LRAT: variants seen among roughly 807,000 people sequenced by gnomAD.
LRAT encodes the protein lecithin retinol acyltransferase (phosphatidylcholine--retinol O-acyltransferase).
A neutral mutation model predicts 14.2 loss-of-function variants in LRAT; 11 were observed. That is an observed-to-expected ratio of 0.78 (90% CI 0.49 to 1.29). The LOEUF is 1.29. Ranked by LOEUF, LRAT falls within the 50% of genes most tolerant of loss-of-function variation. The pLI is 0.00. For synonymous variants in LRAT, 144 were observed against 124.8 expected (o/e 1.15, Z -1.03); for missense variants, 274 against 292.4 (o/e 0.94, Z 0.46).
chr4:154,741,450 T>C (rs1560868789), upstream of LRAT, among the ~76,000 whole-genome samples: 1 of 152,216 alleles, frequency 6.6e-6, no homozygotes, highest in African/African-American at 2.4e-5. Context: ...AATCACTTAA[T>C]GGCATAACGT....
upstream of LRAT, among the ~76,000 whole-genome samples, chr4:154,743,117 C>T (rs1732798429): frequency 1.8e-5 from 1 of 54,170 alleles, no homozygotes; most frequent in Non-Finnish European, 3.6e-5. Context: ...CGGGTAGCGA[C>T]CCCCCCAACC....
rs769384839 is a variant in LRAT, at chr4:154,744,389, C to G, written c.63C>G (p.Asn21Lys). Residue 21 changes from asparagine to lysine, a missense_variant, in exon 2 of 3, where the codon AAC becomes AAG. Transcript: ENST00000336356. ...TGGAGAAGCTGCTCCTCATCTCCAA[C>G]TTCACGCTCTTTAGTTCGGGCGCCG... ...LLLEKLLLISNFTLFSSGAAG... is the reference protein window; with the variant it reads ...LLLEKLLLISKFTLFSSGAAG... The G allele has an allele frequency of 6.2e-7, 1 of 1,614,176 alleles. No individual in the cohort carries two copies. The highest frequency in any genetic ancestry group is 1.1e-5 in the South Asian group (1 of 91,088).
Position 154,748,927 on chromosome 4 carries a change from T to C in LRAT, c.541-57T>C, listed in dbSNP as rs1732933220. 4.7e-6 allele frequency: 7 copies of C among 1,504,194 alleles called. No homozygotes were observed. In the Admixed American group the frequency reaches 1.2e-4, roughly 25 times the overall value. 93.2% of individuals were successfully genotyped at this position (1,504,194 alleles called of 1,614,324 possible). On this transcript the variant is annotated intron_variant, in intron 2 of 2. Coordinates refer to ENST00000336356, the MANE Select transcript of LRAT (RefSeq NM_004744.5). ...GAAAACTGATTTACTGTTTGATATA[T>C]GTGATTCTTCTTGGGTTTAGCCACC... is the stretch of plus-strand genomic sequence containing the variant.
intron 2 of LRAT, among the ~76,000 whole-genome samples, chr4:154,747,590 G>GA (rs1353273447): frequency 6.6e-6 from 1 of 152,046 alleles, no homozygotes; most frequent in Non-Finnish European, 1.5e-5. Flanking sequence ...TGCTTTTTGA[G>GA]AAAAATCTGC....
Position 154,749,262 on chromosome 4 carries a change from GA to G in LRAT, c.*127del, listed in dbSNP as rs1732943194. Reference sequence around the variant, plus strand: ...AACACTGTGTTCTGGATAAAAATGTGATTAGGAATCACGCAAAGTGCTTACT... The same window carrying G: ...AACACTGTGTTCTGGATAAAAATGTGTTAGGAATCACGCAAAGTGCTTACT... On this transcript the variant is annotated 3_prime_UTR_variant, in exon 3 of 3. Coordinates refer to ENST00000336356, the MANE Select transcript of LRAT (RefSeq NM_004744.5). 9.0e-7 allele frequency: 1 copy of G among 1,112,852 alleles called. No homozygotes were observed. The highest frequency in any genetic ancestry group is 1.4e-6 in the Non-Finnish European group (1 of 737,014). 68.9% of individuals were successfully genotyped at this position (1,112,852 alleles called of 1,614,324 possible).
In LRAT at chr4:154,744,796, T is replaced by C. The variant is rs760517479; in HGVS notation, c.470T>C (p.Leu157Pro). 16 of 1,614,006 alleles carry C rather than the reference T, an allele frequency of 9.9e-6. No homozygotes were observed. The highest frequency in any genetic ancestry group is 1.1e-5 in the Non-Finnish European group (13 of 1,180,044). Residue 157 changes from leucine to proline, a missense_variant, in exon 2 of 3, where the codon CTG becomes CCG. Physicochemically the swap from Leu to Pro is moderately conservative, Grantham distance 98. Coordinates refer to ENST00000336356, the MANE Select transcript of LRAT (RefSeq NM_004744.5). ...KLLGFTPYSL[L>P]WNNCEHFVTY... Reference sequence around the variant, plus strand: ...CTGGGCTTTACCCCCTACAGCCTGCTGTGGAACAACTGCGAGCACTTCGTG... The same window carrying C: ...CTGGGCTTTACCCCCTACAGCCTGCCGTGGAACAACTGCGAGCACTTCGTG...
intron 2 of LRAT, chr4:154,745,310 C>G (rs766399589): frequency 6.8e-5 from 12 of 175,568 alleles, no homozygotes; most frequent in Non-Finnish European, 1.5e-4. Context: ...CGTGAGCCAC[C>G]GTGCCCGGCC....
chr4:154,742,115 G>A (rs1463718260), upstream of LRAT, among the ~76,000 whole-genome samples: 1 of 152,156 alleles, frequency 6.6e-6, no homozygotes, highest in Non-Finnish European at 1.5e-5. Flanking sequence ...TTTTAGCGAA[G>A]GGTGCTGACT....
At chr4:154,743,136 C>CCA (rs1553972146), upstream of LRAT, among the ~76,000 whole-genome samples, 1 of 122,050 alleles carries the variant, frequency 8.2e-6, no homozygotes, top group Non-Finnish European at 1.8e-5. Context: ...CCCCCCCCCC[C>CCA]CCGCCCTACA....
At position 154,752,378 on chromosome 4, in the gene LRAT, T is replaced by C. The variant is rs1292688034; in HGVS notation, c.*3242T>C. ...GAACTGCACAGGGCATTCAGGCAAG[T>C]GCAAGTGGTTCAGGGGCCAGCGCAG... is the stretch of plus-strand genomic sequence containing the variant. On this transcript the variant is annotated 3_prime_UTR_variant, in exon 3 of 3. Coordinates refer to ENST00000336356, the MANE Select transcript of LRAT (RefSeq NM_004744.5). 6.6e-6 allele frequency: 1 copy of C among 152,306 alleles called. No individual in the cohort carries two copies. The highest frequency in any genetic ancestry group is 1.5e-5 in the Non-Finnish European group (1 of 68,130). The allele number at this position is 152,306 out of a possible 1,614,324, so 9.4% of individuals were successfully genotyped here. A position where few individuals can be genotyped will look rare whatever the true frequency, so the allele number is the denominator to read the frequency against.
Position 154,744,415 on chromosome 4 carries a change from C to T in LRAT, c.89C>T (p.Ala30Val), listed in dbSNP as rs1042443674. ...TTCACGCTCTTTAGTTCGGGCGCCG[C>T]GGGCGAAGACAAAGGGAGGAACAGT... ...SNFTLFSSGA[A>V]GEDKGRNSFY... The change falls in exon 2 of 3, where the codon GCG (alanine) becomes GTG (valine). Residue 30 changes from alanine to valine, a missense_variant. Physicochemically the swap from Ala to Val is moderately conservative, Grantham distance 64. Transcript: ENST00000336356. 6.2e-7 allele frequency: 1 copy of T among 1,614,030 alleles called. No individual in the cohort carries two copies. The highest frequency in any genetic ancestry group is 1.3e-5 in the African/African-American group (1 of 74,940).
In LRAT at chr4:154,749,325, C is replaced by T. The variant is rs1732944295; in HGVS notation, c.*189C>T. ...AGAACAAAGGCTTTCTGAATCTTCT[C>T]AGGCAGTTCAGATTTAAAGCACCAT... On this transcript the variant is annotated 3_prime_UTR_variant, in exon 3 of 3. Coordinates refer to ENST00000336356, the MANE Select transcript of LRAT (RefSeq NM_004744.5). The T allele has an allele frequency of 6.4e-6, 4 of 622,766 alleles. No individual in the cohort carries two copies. Among genetic ancestry groups the T allele is most frequent in the South Asian group, 1.9e-5 (1 of 53,398 alleles). 38.6% of individuals were successfully genotyped at this position (622,766 alleles called of 1,614,324 possible).
In LRAT at chr4:154,750,017, C is replaced by T. The variant is rs980833226; in HGVS notation, c.*881C>T. ...TTTATTATCATCATACTAGTGTGTT[C>T]ATTATAGAGTATCTGTAGAGGTGAA... is the stretch of plus-strand genomic sequence containing the variant. On this transcript the variant is annotated 3_prime_UTR_variant, in exon 3 of 3. Transcript: ENST00000336356. 1 of 152,178 alleles carries T rather than the reference C, an allele frequency of 6.6e-6. No individual in the cohort carries two copies. Among genetic ancestry groups the T allele is most frequent in the South Asian group, 2.1e-4 (1 of 4,832 alleles). 9.4% of individuals were successfully genotyped at this position (152,178 alleles called of 1,614,324 possible).
intron 2 of LRAT, among the ~76,000 whole-genome samples, chr4:154,746,266 A>G (rs1482864528): frequency 6.6e-6 from 1 of 152,156 alleles, no homozygotes; most frequent in Non-Finnish European, 1.5e-5. Context: ...GACCAGAAAA[A>G]GCTAAGTCAG....
chr4:154,744,772 T>A lies in LRAT; in HGVS notation c.446T>A (p.Leu149Gln). ...GTGGCGCGGAGGGCTGAAAAGCTGC[T>A]GGGCTTTACCCCCTACAGCCTGCTG... ...EEVARRAEKL[L>Q]GFTPYSLLWN... The change falls in exon 2 of 3, where the codon CTG (leucine) becomes CAG (glutamine). Residue 149 changes from leucine (L) to glutamine (Q), a missense_variant. Physicochemically the swap from Leu to Gln is moderately radical, Grantham distance 113. Transcript: ENST00000336356. 6.2e-7 allele frequency: 1 copy of A among 1,614,164 alleles called. No homozygotes were observed. Among genetic ancestry groups the A allele is most frequent in the Non-Finnish European group, 8.5e-7 (1 of 1,180,034 alleles).
At chr4:154,742,315 G>A (rs559080617), upstream of LRAT, among the ~76,000 whole-genome samples, 9 of 152,190 alleles carry the variant, frequency 5.9e-5, no homozygotes, top group South Asian at 1.9e-3. Flanking sequence ...CCTCTTTGCT[G>A]GGACTATAAT....
At position 154,750,050 on chromosome 4, in the gene LRAT, G is replaced by GTT. The variant is rs1732962248; in HGVS notation, c.*915_*916insTT. The GTT allele has an allele frequency of 1.3e-5, 2 of 152,074 alleles. No homozygotes were observed. Among genetic ancestry groups the GTT allele is most frequent in the Non-Finnish European group, 2.9e-5 (2 of 67,974 alleles). 9.4% of individuals were successfully genotyped at this position (152,074 alleles called of 1,614,324 possible). On this transcript the variant is annotated 3_prime_UTR_variant, in exon 3 of 3. Transcript: ENST00000336356. ...AGTATCTGTAGAGGTGAATGTAAAA[G>GTT]TAAGTCCAATCTATTTTCTTATGTC...
chr4:154,747,734 T>C (rs1420489761), intron 2 of LRAT, among the ~76,000 whole-genome samples: 7 of 152,198 alleles, frequency 4.6e-5, no homozygotes, highest in Non-Finnish European at 7.4e-5. Context: ...CTTTTCTCCT[T>C]GTCCTGAAAA....
chr4:154,744,198 G>C lies in LRAT; in HGVS notation c.-26G>C. 1.0e-6 allele frequency: 1 copy of C among 971,114 alleles called. No homozygotes were observed. 60.2% of individuals were successfully genotyped at this position (971,114 alleles called of 1,614,324 possible). A position where few individuals can be genotyped will look rare whatever the true frequency, so the allele number is the denominator to read the frequency against. On this transcript the variant is annotated 5_prime_UTR_variant, in exon 1 of 3. Coordinates refer to ENST00000336356, the MANE Select transcript of LRAT (RefSeq NM_004744.5). ...CCTCTCTCCTCAGCGGCCGTACTTT[G>C]CGCCGTACCTCACCTGGCCTGCAGG... is the stretch of plus-strand genomic sequence containing the variant.
Sources: gnomAD v4.1 joint callset for allele counts (sites outside exome capture counted in the v4.1 genomes callset) on GRCh38, gnomAD v4.1.1 for gene constraint, MANE v1.5 for transcripts, NCBI Gene and HGNC (gene_info 2026-07-23, HGNC 2026-07-21) for gene names.